Variants in SLC25A26 observed in about 807,000 individuals in gnomAD.
SLC25A26 encodes the protein solute carrier family 25 member 26, also known as mitochondrial S-adenosylmethionine carrier protein.
A neutral mutation model predicts 37.8 loss-of-function variants in SLC25A26; 36 were observed. That is an observed-to-expected ratio of 0.95 (90% CI 0.73 to 1.26). The LOEUF (loss-of-function observed/expected upper bound fraction) is 1.26, where lower values mean the gene tolerates loss of function less well. SLC25A26 is among the 50% of genes most tolerant of loss of function. The pLI is 0.00. For synonymous variants in SLC25A26, 129 were observed against 122.5 expected, an observed-to-expected ratio of 1.05 and a Z score of -0.35; for missense variants, 390 against 331.1, an observed-to-expected ratio of 1.18 and a Z score of -1.38.
intron 6 of SLC25A26, among the ~76,000 whole-genome samples, chr3:66,354,900 C>A (rs944256480): frequency 2.0e-5 from 3 of 152,222 alleles, no homozygotes; most frequent in Non-Finnish European, 1.5e-5. Flanking sequence ...TCCTCCTTGC[C>A]TTCTGCCATA....
intron 5 of SLC25A26, among the ~76,000 whole-genome samples, chr3:66,305,831 C>T (rs956097277): frequency 1.3e-5 from 2 of 152,066 alleles, no homozygotes; most frequent in Non-Finnish European, 2.9e-5. Flanking sequence ...AATGGGATTG[C>T]TGGGTCAAAT....
chr3:66,300,616 C>T, intron 5 of SLC25A26, among the ~76,000 whole-genome samples: 1 of 151,990 alleles, frequency 6.6e-6, no homozygotes, highest in East Asian at 1.9e-4. Context: ...TATACATCCT[C>T]CTAGGGATAA....
intron 5 of SLC25A26, among the ~76,000 whole-genome samples, chr3:66,310,249 T>C (rs1408780294): frequency 6.6e-6 from 1 of 152,260 alleles, no homozygotes; most frequent in East Asian, 1.9e-4. Context: ...TTTGCCGTTA[T>C]GTAATGCCTT....
At chr3:66,345,636 C>A (rs1304159017) in intron 5 of SLC25A26, among the ~76,000 whole-genome samples, 1 of 151,868 alleles carries the variant, frequency 6.6e-6, no homozygotes, top group Non-Finnish European at 1.5e-5. Context: ...TCTCTCTGCT[C>A]TGTTGTCTCC....
intron 5 of SLC25A26, among the ~76,000 whole-genome samples, chr3:66,298,277 A>G (rs1322322783): frequency 6.6e-6 from 1 of 152,248 alleles, no homozygotes; most frequent in African/African-American, 2.4e-5. Context: ...ATCAGGAGGA[A>G]AATGAAATGT....
intron 6 of SLC25A26, among the ~76,000 whole-genome samples, chr3:66,362,284 T>G (rs560818489): frequency 4.9e-4 from 74 of 152,094 alleles, no homozygotes; most frequent in Non-Finnish European, 8.5e-4. Context: ...ACTGGAAAAA[T>G]CCCAAATGTC....
At position 66,377,772 on chromosome 3, in the gene SLC25A26, A is replaced by C. The variant is rs934412335; in HGVS notation, c.790A>C (p.Ser264Arg). Residue 264 changes from serine to arginine, a missense_variant, in exon 10 of 10, where the codon AGC (serine) becomes CGC (arginine). Transcript: ENST00000354883. ...TCTGGGGGCTTATGACCGAACGCACAGCTTGCTGTTGGAAGTTGGCAGAAA... is the reference window on the plus strand; with the variant it reads ...TCTGGGGGCTTATGACCGAACGCACCGCTTGCTGTTGGAAGTTGGCAGAAA... ...IFLGAYDRTH[S>R]LLLEVGRKSP The C allele has an allele frequency of 6.2e-7, 1 of 1,613,952 alleles. No individual in the cohort carries two copies. The highest frequency in any genetic ancestry group is 1.3e-5 in the African/African-American group (1 of 75,026).
chr3:66,280,137 A>G (rs1487710535), intron 5 of SLC25A26, among the ~76,000 whole-genome samples: 1 of 152,186 alleles, frequency 6.6e-6, no homozygotes, highest in African/African-American at 2.4e-5. Flanking sequence ...AGTAGTGAGA[A>G]CAACACATCT....
intron 3 of SLC25A26, among the ~76,000 whole-genome samples, chr3:66,252,441 T>C (rs949227764): frequency 1.3e-5 from 2 of 152,214 alleles, no homozygotes; most frequent in Non-Finnish European, 2.9e-5. Flanking sequence ...GTATGGACCA[T>C]GGGCTGTCAA....
intron 6 of SLC25A26, among the ~76,000 whole-genome samples, chr3:66,352,198 C>A (rs942434441): frequency 1.3e-5 from 2 of 152,030 alleles, no homozygotes; most frequent in South Asian, 4.2e-4. Context: ...AGAGTGAGAC[C>A]CTGTCTCTTA....
At chr3:66,206,798 T>C (rs2071184271) in intron 1 of SLC25A26, among the ~76,000 whole-genome samples, 1 of 151,646 alleles carries the variant, frequency 6.6e-6, no homozygotes. Flanking sequence ...CTCCACCTCT[T>C]GGCCTCAAGC....
intron 4 of SLC25A26, among the ~76,000 whole-genome samples, chr3:66,262,735 T>G (rs1245878502): frequency 6.6e-6 from 1 of 152,204 alleles, no homozygotes; most frequent in Non-Finnish European, 1.5e-5. Context: ...TTTGTAATGG[T>G]GTGTTACATA....
At chr3:66,331,412 TA>T (rs958510050) in intron 5 of SLC25A26, among the ~76,000 whole-genome samples, 14 of 152,136 alleles carry the variant, frequency 9.2e-5, no homozygotes, top group African/African-American at 2.7e-4. Flanking sequence ...TAATACCCTT[TA>T]AAAAAATCCC....
chr3:66,323,014 T>C (rs2075737774), intron 5 of SLC25A26, among the ~76,000 whole-genome samples: 1 of 152,260 alleles, frequency 6.6e-6, no homozygotes, highest in South Asian at 2.1e-4. Flanking sequence ...AAAACTCATT[T>C]CTTTACAAAG....
intron 1 of SLC25A26, among the ~76,000 whole-genome samples, chr3:66,147,262 C>G (rs1279523512): frequency 3.3e-5 from 5 of 151,286 alleles, no homozygotes; most frequent in Non-Finnish European, 7.4e-5. Context: ...CTCCTGGGTT[C>G]AAGCGATCCT....
intron 5 of SLC25A26, among the ~76,000 whole-genome samples, chr3:66,336,509 A>G (rs1013902801): frequency 6.6e-6 from 1 of 152,168 alleles, no homozygotes; most frequent in Non-Finnish European, 1.5e-5. Context: ...AACTAAAAAC[A>G]TCTGTTTCCT....
chr3:66,266,486 A>G (rs1297790307), intron 5 of SLC25A26, among the ~76,000 whole-genome samples: 1 of 151,728 alleles, frequency 6.6e-6, no homozygotes, highest in African/African-American at 2.4e-5. Context: ...TTATCTCCCT[A>G]GCAGTTGCCC....
At chr3:66,277,265 A>G (rs2074184779) in intron 5 of SLC25A26, among the ~76,000 whole-genome samples, 1 of 152,124 alleles carries the variant, frequency 6.6e-6, no homozygotes, top group Non-Finnish European at 1.5e-5. Flanking sequence ...AGACATTCTG[A>G]TTTCATCCAG....
At chr3:66,187,440 C>A (rs1212410450) in intron 1 of SLC25A26, among the ~76,000 whole-genome samples, 2 of 152,176 alleles carry the variant, frequency 1.3e-5, no homozygotes, top group South Asian at 2.1e-4. Context: ...TGGCCATCAC[C>A]CTGCATATGA....
Sources: allele counts gnomAD v4.1 joint callset (sites outside exome capture counted in the v4.1 genomes callset), GRCh38; gene constraint gnomAD v4.1.1; transcripts MANE v1.5; gene names NCBI Gene and HGNC (gene_info 2026-07-23, HGNC 2026-07-21).